Variants in FGFR1OP2 observed in about 807,000 individuals in gnomAD.
FGFR1OP2 encodes FGFR1 oncogene partner 2.
In FGFR1OP2, 17 loss-of-function variants were observed where a neutral mutation model predicts 35.2. The ratio of observed to expected loss-of-function variants is 0.48; its 90% CI spans 0.33 to 0.73. The LOEUF is 0.73. Among genes scored for constraint, FGFR1OP2 ranks in the 30% least tolerant of loss-of-function variants. FGFR1OP2 has a pLI of 0.02. For synonymous variants in FGFR1OP2, 105 were observed against 104.6 expected (o/e 1.00, Z -0.03); for missense variants, 251 against 307.3 (o/e 0.82, Z 1.37).
intron 1 of FGFR1OP2, among the ~76,000 whole-genome samples, chr12:26,953,268 CAAAAAAAA>C (rs10714749): frequency 5.1e-5 from 4 of 78,312 alleles, no homozygotes; most frequent in African/African-American, 1.0e-4. Context: ...ACTGTGTCTC[CAAAAAAAA>C]AAAAAAAAAA....
At chr12:26,940,662 G>A (rs990919591) in intron 1 of FGFR1OP2, among the ~76,000 whole-genome samples, 1 of 152,130 alleles carries the variant, frequency 6.6e-6, no homozygotes, top group South Asian at 2.1e-4. Context: ...GATCTGTGGT[G>A]TATCAGTAGC....
chr12:26,964,684 C>G lies in FGFR1OP2; in HGVS notation c.713C>G (p.Ser238Cys), dbSNP rs758884933. 20 of 1,612,006 alleles carry G rather than the reference C, an allele frequency of 1.2e-5. No homozygotes were observed. The South Asian group carries it at 2.0e-4, about 16-fold the overall frequency. ...AAAGATGATGCGTCGGAAAGTACTT[C>G]TTTGTCAGCATTAGTGACCAACAGT... Reference protein sequence around the residue: ...LRKDDASESTSLSALVTNSDL... With the variant: ...LRKDDASESTCLSALVTNSDL... Residue 238 changes from serine to cysteine, a missense_variant, in exon 7 of 7, where the codon TCT becomes TGT. Ser to Cys is a moderately radical substitution (Grantham distance 112). Transcript: ENST00000229395.
intron 1 of FGFR1OP2, among the ~76,000 whole-genome samples, chr12:26,953,268 CAAAA>C (rs10714749): frequency 2.6e-5 from 2 of 78,306 alleles, no homozygotes; most frequent in Non-Finnish European, 4.8e-5. Context: ...ACTGTGTCTC[CAAAA>C]AAAAAAAAAA....
At chr12:26,958,865 T>TA (rs1423852407) in intron 4 of FGFR1OP2, among the ~76,000 whole-genome samples, 38 of 152,204 alleles carry the variant, frequency 2.5e-4, no homozygotes, top group African/African-American at 8.9e-4. Context: ...ACTAGACTGT[T>TA]ACCTGTATTA....
intron 1 of FGFR1OP2, among the ~76,000 whole-genome samples, chr12:26,944,131 T>TC (rs749194040): frequency 6.6e-5 from 10 of 152,240 alleles, no homozygotes; most frequent in Non-Finnish European, 1.2e-4. Context: ...TATGCTTGTA[T>TC]CCTGTGACAT....
intron 1 of FGFR1OP2, among the ~76,000 whole-genome samples, chr12:26,953,034 G>T (rs748991813): frequency 9.2e-5 from 14 of 151,954 alleles, no homozygotes; most frequent in African/African-American, 3.4e-4. Context: ...AGGCCAAGGC[G>T]GGCGGATCAT....
At chr12:26,956,715 C>T (rs896075038) in intron 3 of FGFR1OP2, 55 bp downstream of exon 3, 44 of 1,056,122 alleles carry the variant, frequency 4.2e-5, no homozygotes, top group Middle Eastern at 2.5e-4. Flanking sequence ...ATTCCTAAAT[C>T]GTATTTATTG....
intron 1 of FGFR1OP2, among the ~76,000 whole-genome samples, chr12:26,952,664 G>T (rs1280703726): frequency 6.8e-5 from 10 of 146,296 alleles, no homozygotes; most frequent in Non-Finnish European, 1.5e-4. Context: ...TTTTCTCTTT[G>T]CTACTTGTTG....
rs186073527 is a variant in FGFR1OP2 at position 26,950,445 on chromosome 12, C to T, written c.-14-3700C>T. ...GTTTCACTGTGTTAGCCAGGATGGT[C>T]TCGATCTCCTGACCTCGTGATCCAC... On this transcript the variant is annotated intron_variant, in intron 1 of 6. Coordinates refer to ENST00000229395, the MANE Select transcript of FGFR1OP2 (RefSeq NM_015633.3). 5.4e-3 allele frequency among the ~76,000 whole-genome samples: 815 copies of T among 151,798 alleles called. 4 individuals are homozygous for T. Among genetic ancestry groups the T allele is most frequent in the Non-Finnish European group, 8.1e-3 (551 of 67,904 alleles).
At chr12:26,960,824 T>C (rs1431713900) in intron 5 of FGFR1OP2, 196 bp downstream of exon 5, 4 of 770,290 alleles carry the variant, frequency 5.2e-6, no homozygotes, top group Non-Finnish European at 5.5e-6. Context: ...GTGTATTGTA[T>C]CATGTACAGC....
At chr12:26,960,674 G>GCCCC (rs1353417175) in intron 5 of FGFR1OP2, 46 bp downstream of exon 5, 1 of 1,559,604 alleles carries the variant, frequency 6.4e-7, no homozygotes, top group South Asian at 1.2e-5. Flanking sequence ...ATGGAAGGGG[G>GCCCC]GTCCATTTTA....
intron 6 of FGFR1OP2, among the ~76,000 whole-genome samples, chr12:26,964,043 AT>A (rs989316292): frequency 6.6e-6 from 1 of 152,046 alleles, no homozygotes; most frequent in African/African-American, 2.4e-5. Context: ...ATGTCTACAA[AT>A]TTTTTTACAG....
intron 4 of FGFR1OP2, among the ~76,000 whole-genome samples, chr12:26,958,190 A>G (rs1480560850): frequency 2.6e-5 from 4 of 152,164 alleles, no homozygotes; most frequent in African/African-American, 9.6e-5. Context: ...GCATGACTCC[A>G]TCTCTTCAAA....
At chr12:26,943,083 A>G (rs1388141107) in intron 1 of FGFR1OP2, among the ~76,000 whole-genome samples, 1 of 152,116 alleles carries the variant, frequency 6.6e-6, no homozygotes, top group Non-Finnish European at 1.5e-5. Context: ...TTTTAATTTT[A>G]TATTTAGACT....
chr12:26,954,556 A>G (rs1424469166), intron 2 of FGFR1OP2, among the ~76,000 whole-genome samples: 3 of 152,242 alleles, frequency 2.0e-5, no homozygotes, highest in South Asian at 2.1e-4. Context: ...TGTTAGGTCT[A>G]GAAACATTTG....
chr12:26,953,899 G>A (rs547514792), intron 1 of FGFR1OP2, among the ~76,000 whole-genome samples: 2 of 152,152 alleles, frequency 1.3e-5, no homozygotes, highest in African/African-American at 2.4e-5. Context: ...TTTTAAATGC[G>A]TTCTAGTTCT....
intron 6 of FGFR1OP2, 56 bp downstream of exon 6, chr12:26,963,511 G>T: frequency 9.1e-7 from 1 of 1,101,704 alleles, no homozygotes; most frequent in South Asian, 1.5e-5. Context: ...ATTTATGCCA[G>T]AAAATATATC....
At chr12:26,952,775 T>C (rs1224502715) in intron 1 of FGFR1OP2, among the ~76,000 whole-genome samples, 1 of 151,954 alleles carries the variant, frequency 6.6e-6, no homozygotes, top group East Asian at 1.9e-4. Context: ...TCCTGAATTC[T>C]GTGGCAAATT....
chr12:26,959,640 A>G (rs1428155979), intron 4 of FGFR1OP2, among the ~76,000 whole-genome samples: 2 of 152,202 alleles, frequency 1.3e-5, no homozygotes, highest in African/African-American at 4.8e-5. Flanking sequence ...TTCCTAAGAT[A>G]GCTGTAAGCC....
Sources: allele counts gnomAD v4.1 joint callset (sites outside exome capture counted in the v4.1 genomes callset), GRCh38; gene constraint gnomAD v4.1.1; transcripts MANE v1.5; gene names NCBI Gene and HGNC (gene_info 2026-07-23, HGNC 2026-07-21).